The following BLM variants were observed in gnomAD, a reference collection of about 807,000 sequenced individuals.
The protein encoded by BLM is BLM RecQ like helicase.
Under a neutral mutation model 135.3 loss-of-function variants are expected in BLM, and 95 were observed. The ratio of observed to expected loss-of-function variants is 0.70; its 90% CI spans 0.59 to 0.83. The LOEUF (loss-of-function observed/expected upper bound fraction) is 0.83. Ranked by LOEUF, BLM falls within the 40% of genes least tolerant of loss-of-function variation. The pLI is 0.00. For synonymous variants in BLM, 520 were observed against 589.2 expected, an observed-to-expected ratio of 0.88 and a Z score of 1.70; for missense variants, 1,518 against 1,663.9, an observed-to-expected ratio of 0.91 and a Z score of 1.53.
chr15:90,768,241 C>T (rs917168731), intron 10 of BLM, among the ~76,000 whole-genome samples: 3 of 152,124 alleles, frequency 2.0e-5, no homozygotes, highest in African/African-American at 4.8e-5. Context: ...CTGTGCCCAG[C>T]CCACATATTT....
intron 16 of BLM, among the ~76,000 whole-genome samples, chr15:90,795,505 G>A (rs146861462): frequency 1.8e-3 from 270 of 152,124 alleles, no homozygotes; most frequent in Non-Finnish European, 3.3e-3. Flanking sequence ...AGTACTCTCA[G>A]TAAGTATAGT....
chr15:90,797,489 C>G (rs142663344), intron 16 of BLM, among the ~76,000 whole-genome samples: 39 of 148,936 alleles, frequency 2.6e-4, no homozygotes, highest in Non-Finnish European at 1.5e-4. Flanking sequence ...CTTGATGACT[C>G]TAGATAGGGC....
intron 1 of BLM, among the ~76,000 whole-genome samples, chr15:90,741,666 C>T (rs549429141): frequency 4.3e-4 from 65 of 152,206 alleles, no homozygotes; most frequent in Admixed American, 3.5e-3. Flanking sequence ...TATCTTTAGC[C>T]ACTTTTCTGA....
At chr15:90,724,972 G>C (rs1366862907) in intron 1 of BLM, among the ~76,000 whole-genome samples, 1 of 151,956 alleles carries the variant, frequency 6.6e-6, no homozygotes, top group African/African-American at 2.4e-5. Flanking sequence ...GCAGTGGTAT[G>C]ATCTTGGCTC....
At chr15:90,803,043 A>C (rs962212840) in intron 17 of BLM, among the ~76,000 whole-genome samples, 2 of 151,962 alleles carry the variant, frequency 1.3e-5, no homozygotes, top group Admixed American at 6.6e-5. Context: ...TGCACCTGTT[A>C]TCTCAGCTAG....
At chr15:90,805,927 G>A (rs1341779781) in intron 19 of BLM, among the ~76,000 whole-genome samples, 1 of 151,908 alleles carries the variant, frequency 6.6e-6, no homozygotes, top group African/African-American at 2.4e-5. Flanking sequence ...ACAAATATCT[G>A]CAACCTCCGC....
intron 1 of BLM, among the ~76,000 whole-genome samples, chr15:90,731,557 AAGGC>A (rs1353728509): frequency 6.6e-4 from 101 of 152,278 alleles, no homozygotes; most frequent in African/African-American, 2.3e-3. Flanking sequence ...TAATGGTTAT[AAGGC>A]TATTAGGTTT....
chr15:90,771,803 A>AG (rs1896326030), intron 12 of BLM, among the ~76,000 whole-genome samples: 1 of 152,168 alleles, frequency 6.6e-6, no homozygotes. Context: ...GATAAAAAAA[A>AG]TTTCTTTTCC....
rs1896030349 is a variant in BLM, at chr15:90,763,100, C to T, written c.2017C>T (p.Leu673=). Residue 673 remains leucine (L), a synonymous_variant, in exon 8 of 22, where the codon CTA becomes TTA. Transcript: ENST00000355112. ...FGLHNFRTNQ[L]EAINAALLGE... Reference sequence around the variant, plus strand: ...CCTGCATAATTTTAGAACTAATCAGCTAGAGGCGATCAATGCTGCACTGCT... The same window carrying T: ...CCTGCATAATTTTAGAACTAATCAGTTAGAGGCGATCAATGCTGCACTGCT... The T allele has an allele frequency of 6.2e-7, 1 of 1,613,990 alleles. No homozygotes were observed. Among genetic ancestry groups the T allele is most frequent in the Non-Finnish European group, 8.5e-7 (1 of 1,180,006 alleles).
At position 90,803,699 on chromosome 15, in the gene BLM, T is replaced by A; in HGVS notation, c.3537T>A (p.Thr1179=). ...AYVMLGNKAQ[T]VLNGNLKVDF... is the part of the protein sequence containing the mutation. The stretch of plus-strand genomic sequence containing the variant: ...TGATGCTCGGAAATAAAGCCCAAAC[T>A]GTACTAAATGGCAATTTAAAGGTAT... The change falls in exon 18 of 22, where the codon ACT becomes ACA. Residue 1179 remains threonine (T), a synonymous_variant. Transcript: ENST00000355112. 1 of 1,614,150 alleles carries A rather than the reference T, an allele frequency of 6.2e-7. No individual in the cohort carries two copies. Among genetic ancestry groups the A allele is most frequent in the Non-Finnish European group, 8.5e-7 (1 of 1,180,006 alleles).
chr15:90,810,357 G>A (rs1208575525), intron 20 of BLM, among the ~76,000 whole-genome samples: 1 of 152,068 alleles, frequency 6.6e-6, no homozygotes, highest in Non-Finnish European at 1.5e-5. Context: ...ACCTGGTCAG[G>A]TTCTCCTAAA....
intron 1 of BLM, among the ~76,000 whole-genome samples, chr15:90,719,350 C>T (rs1211604915): frequency 6.6e-6 from 1 of 152,094 alleles, no homozygotes. Context: ...ACCCATAATC[C>T]CAGCACTTTG....
intron 14 of BLM, among the ~76,000 whole-genome samples, chr15:90,788,707 T>A (rs1220117821): frequency 6.6e-6 from 1 of 152,060 alleles, no homozygotes; most frequent in Non-Finnish European, 1.5e-5. Context: ...GCATGGTGGT[T>A]CACACCTGTA....
chr15:90,764,003 T>G (rs1028224350), intron 8 of BLM, among the ~76,000 whole-genome samples: 1 of 152,188 alleles, frequency 6.6e-6, no homozygotes, highest in Non-Finnish European at 1.5e-5. Flanking sequence ...TAGATTTAGA[T>G]AGCCTTGGCT....
chr15:90,737,345 A>C (rs549827744), intron 1 of BLM, among the ~76,000 whole-genome samples: 1 of 152,202 alleles, frequency 6.6e-6, no homozygotes, highest in Non-Finnish European at 1.5e-5. Context: ...AAGTGTTTAT[A>C]TTTCCTAGAT....
intron 19 of BLM, among the ~76,000 whole-genome samples, chr15:90,807,159 C>T (rs912731351): frequency 6.6e-6 from 1 of 152,170 alleles, no homozygotes; most frequent in African/African-American, 2.4e-5. Context: ...ACTATTTTCC[C>T]CAGGATTTAA....
Position 90,750,064 on chromosome 15 carries a change from A to G in BLM, c.796A>G (p.Arg266Gly), listed in dbSNP as rs1895641246. 12 of 1,613,732 alleles carry G rather than the reference A, an allele frequency of 7.4e-6. No homozygotes were observed. Among genetic ancestry groups the G allele is most frequent in the Non-Finnish European group, 1.0e-5 (12 of 1,179,712 alleles). Reference protein sequence around the residue: ...DSLKTHLEDERDNSEKKKNLE... With the variant: ...DSLKTHLEDEGDNSEKKKNLE... ...TCTGAAAACTCATTTGGAAGATGAA[A>G]GAGGTAACAATTATTTTATCTTCAT... The change falls in exon 3 of 22, where the codon AGA (arginine) becomes GGA (glycine). Residue 266 changes from arginine (R) to glycine (G), a missense_variant. Coordinates refer to ENST00000355112, the MANE Select transcript of BLM (RefSeq NM_000057.4).
At chr15:90,758,243 T>C (rs1366104236) in intron 5 of BLM, among the ~76,000 whole-genome samples, 1 of 151,954 alleles carries the variant, frequency 6.6e-6, no homozygotes, top group African/African-American at 2.4e-5. Flanking sequence ...ATCCCAGCAC[T>C]TTGGGAGACC....
chr15:90,733,582 T>C (rs1374006445), intron 1 of BLM, among the ~76,000 whole-genome samples: 1 of 152,250 alleles, frequency 6.6e-6, no homozygotes, highest in African/African-American at 2.4e-5. Flanking sequence ...TCTCCAGTTG[T>C]TGAAGGGCTG....
Sources: gnomAD v4.1 joint callset for allele counts (sites outside exome capture counted in the v4.1 genomes callset) on GRCh38, gnomAD v4.1.1 for gene constraint, MANE v1.5 for transcripts, NCBI Gene and HGNC (gene_info 2026-07-23, HGNC 2026-07-21) for gene names.